Variants in CFAP54 observed in about 807,000 individuals in gnomAD.
The protein encoded by CFAP54 is cilia- and flagella-associated protein 54.
In CFAP54, 290 loss-of-function variants were observed where a neutral mutation model predicts 370.4. The observed-to-expected ratio is 0.78, with a 90% CI of 0.71 to 0.86. The LOEUF (loss-of-function observed/expected upper bound fraction) is 0.86. CFAP54 is among the 40% of genes least tolerant of loss of function. CFAP54 has a pLI of 0.00. For synonymous variants in CFAP54, 1,206 were observed against 1,236.5 expected, an observed-to-expected ratio of 0.98 and a Z score of 0.52; for missense variants, 3,399 against 3,528.7, an observed-to-expected ratio of 0.96 and a Z score of 0.93.
At chr12:96,520,602 G>T (rs116868228) in intron 6 of CFAP54, among the ~76,000 whole-genome samples, 1,820 of 152,256 alleles carry the variant, frequency 0.012, 21 homozygotes, top group Middle Eastern at 0.034. Flanking sequence ...TTTGAAAAAG[G>T]CACCTTCTCT....
intron 23 of CFAP54, among the ~76,000 whole-genome samples, chr12:96,591,949 C>T (rs1433309663): frequency 6.8e-6 from 1 of 147,408 alleles, no homozygotes. Flanking sequence ...AAGGAGACAT[C>T]AGGGATAAAT....
intron 55 of CFAP54, among the ~76,000 whole-genome samples, chr12:96,752,127 A>AGAGAGAGG (rs1555318392): frequency 6.7e-6 from 1 of 149,356 alleles, no homozygotes; most frequent in Non-Finnish European, 1.5e-5. Flanking sequence ...AGAGAGAGAG[A>AGAGAGAGG]GAGAGATTGA....
intron 48 of CFAP54, among the ~76,000 whole-genome samples, chr12:96,710,342 GA>G (rs753375344): frequency 2.6e-5 from 4 of 152,192 alleles, no homozygotes; most frequent in Non-Finnish European, 5.9e-5. Context: ...ACATGAGCAA[GA>G]ACCTTTACTG....
chr12:96,838,936 G>T (rs1025629511), intron 66 of CFAP54, among the ~76,000 whole-genome samples: 1 of 152,228 alleles, frequency 6.6e-6, no homozygotes, highest in African/African-American at 2.4e-5. Flanking sequence ...TCATAGCCGA[G>T]TCGGGCAGAC....
chr12:96,773,288 TG>T (rs1958481941), intron 60 of CFAP54, among the ~76,000 whole-genome samples: 1 of 152,212 alleles, frequency 6.6e-6, no homozygotes, highest in African/African-American at 2.4e-5. Context: ...AGAGAGCTTC[TG>T]CTCAGCTGTA....
At chr12:96,793,643 A>G (rs1218332544) in intron 63 of CFAP54, among the ~76,000 whole-genome samples, 1 of 152,128 alleles carries the variant, frequency 6.6e-6, no homozygotes, top group East Asian at 1.9e-4. Flanking sequence ...TGTTTTCCAT[A>G]GTGGTTGTAC....
intron 66 of CFAP54, among the ~76,000 whole-genome samples, chr12:96,856,580 C>G (rs1015679236): frequency 1.3e-5 from 2 of 152,182 alleles, no homozygotes; most frequent in Admixed American, 6.5e-5. Context: ...CAGTTCCCAA[C>G]AAGTCCCTCA....
In CFAP54 at chr12:96,527,361, A is replaced by C; in HGVS notation, c.1274A>C (p.Gln425Pro). 2.6e-6 allele frequency: 4 copies of C among 1,535,700 alleles called. No homozygotes were observed. The highest frequency in any genetic ancestry group is 3.5e-6 in the Non-Finnish European group (4 of 1,146,582). The change falls in exon 9 of 68, where the codon CAA (glutamine) becomes CCA (proline). Residue 425 changes from glutamine (Q) to proline (P), a missense_variant. Gln to Pro is a moderately conservative substitution (Grantham distance 76, BLOSUM62 -1). This residue lies in a region of CFAP54 where 559 missense variants were observed against 576.7 expected (regional missense o/e 0.97). Transcript: ENST00000524981. The part of the protein sequence containing the change: ...ALSDSNRRIL[Q>P]TGPIVTDEVE... The stretch of plus-strand genomic sequence containing the variant: ...TCTGATTCAAATAGGCGAATACTGC[A>C]AACTGGACCCATTGTTACAGATGAA...
chr12:96,639,800 A>G (rs1015837014), intron 32 of CFAP54, among the ~76,000 whole-genome samples: 9 of 152,260 alleles, frequency 5.9e-5, no homozygotes, highest in African/African-American at 1.9e-4. Context: ...AATGTAATCC[A>G]GCATATAAAC....
chr12:96,576,752 A>G lies in CFAP54; in HGVS notation c.2787A>G (p.Ser929=). 1 of 1,534,306 alleles carries G rather than the reference A, an allele frequency of 6.5e-7. No homozygotes were observed. The highest frequency in any genetic ancestry group is 8.7e-7 in the Non-Finnish European group (1 of 1,146,194). The part of the protein sequence containing the change: ...SVTLKPAPFT[S]EVKVSWYCIL... ...CACTCAAACCTGCTCCATTTACTTC[A>G]GAGGTTAAGGTATGGTGTCCAGTAA... The change falls in exon 20 of 68, where the codon TCA becomes TCG. Residue 929 remains serine (S), a synonymous_variant. Coordinates refer to ENST00000524981, the MANE Select transcript of CFAP54 (RefSeq NM_001306084.2).
intron 15 of CFAP54, among the ~76,000 whole-genome samples, chr12:96,552,804 C>T (rs1265637299): frequency 6.6e-6 from 1 of 152,128 alleles, no homozygotes; most frequent in Non-Finnish European, 1.5e-5. Context: ...CTATAGTTAC[C>T]TTCGCATTAT....
chr12:96,853,509 CT>C (rs1238945436), intron 66 of CFAP54, among the ~76,000 whole-genome samples: 2 of 152,068 alleles, frequency 1.3e-5, no homozygotes, highest in African/African-American at 4.8e-5. Flanking sequence ...ATGACTTCTC[CT>C]TTTCTGTCTA....
intron 32 of CFAP54, among the ~76,000 whole-genome samples, chr12:96,642,849 C>A (rs541826339): frequency 6.6e-6 from 1 of 152,064 alleles, no homozygotes; most frequent in Non-Finnish European, 1.5e-5. Context: ...TATTGGAGCA[C>A]CCTGAATGTT....
intron 35 of CFAP54, among the ~76,000 whole-genome samples, chr12:96,650,640 G>A (rs1714531749): frequency 6.6e-6 from 1 of 152,012 alleles, no homozygotes; most frequent in Non-Finnish European, 1.5e-5. Context: ...AAAGAAATCA[G>A]TTTCTTTTTT....
At chr12:96,817,966 C>G in intron 65 of CFAP54, 53 bp downstream of exon 65, 1 of 1,257,318 alleles carries the variant, frequency 8.0e-7, no homozygotes. Flanking sequence ...CTTTTATATC[C>G]TCAAAGCAGA....
At chr12:96,512,304 T>C (rs1350586364) in intron 4 of CFAP54, among the ~76,000 whole-genome samples, 1 of 6,824 alleles carries the variant, frequency 1.5e-4, no homozygotes, top group African/African-American at 8.2e-4. Context: ...ACCAATTTTA[T>C]ATATATATAT....
intron 50 of CFAP54, among the ~76,000 whole-genome samples, chr12:96,729,241 G>A (rs1422472789): frequency 6.6e-6 from 1 of 152,150 alleles, no homozygotes; most frequent in Non-Finnish European, 1.5e-5. Flanking sequence ...GTCTGCAGAG[G>A]TTACTGCTGT....
At chr12:96,608,131 T>C (rs893674856) in intron 26 of CFAP54, among the ~76,000 whole-genome samples, 2 of 152,080 alleles carry the variant, frequency 1.3e-5, no homozygotes, top group Non-Finnish European at 2.9e-5. Context: ...ATGATGTGAC[T>C]AGGACTTTGT....
Position 96,535,429 on chromosome 12 carries a change from T to A in CFAP54, c.1706-86T>A, listed in dbSNP as rs1565888021. 6.8e-5 allele frequency: 53 copies of A among 783,370 alleles called. 1 individual carries two copies. Among genetic ancestry groups the A allele is most frequent in the East Asian group, 2.7e-5 (1 of 37,158 alleles). 48.5% of individuals were successfully genotyped at this position (783,370 alleles called of 1,614,324 possible). A position where few individuals can be genotyped will look rare whatever the true frequency, so the allele number is the denominator to read the frequency against. ...CCGCCTATCATTTGTGTCATTTTTT[T>A]AGCATATTTGTGTTTCTGTGCCTTT... is the stretch of plus-strand genomic sequence containing the variant. On this transcript the variant is annotated intron_variant, in intron 11 of 67. Coordinates refer to ENST00000524981, the MANE Select transcript of CFAP54 (RefSeq NM_001306084.2).
Sources: allele counts gnomAD v4.1 joint callset (sites outside exome capture counted in the v4.1 genomes callset), GRCh38; gene constraint gnomAD v4.1.1; regional missense constraint gnomAD v4.1.1; transcripts MANE v1.5; gene names NCBI Gene and HGNC (gene_info 2026-07-23, HGNC 2026-07-21).